The following MAPK10 variants were observed in gnomAD, a reference collection of about 807,000 sequenced individuals.
MAPK10 encodes the protein mitogen-activated protein kinase 10.
A neutral mutation model predicts 59.3 loss-of-function variants in MAPK10; 25 were observed. The observed-to-expected ratio is 0.42, with a 90% CI of 0.31 to 0.59. MAPK10 has a LOEUF of 0.59. Among genes scored for constraint, MAPK10 ranks in the 20% least tolerant of loss-of-function variants. The probability of loss-of-function intolerance (pLI) is 0.15; values close to 1 mark genes in which losing one functional copy is unlikely to be tolerated. For synonymous variants in MAPK10, 190 were observed against 200.5 expected, an observed-to-expected ratio of 0.95 and a Z score of 0.44; for missense variants, 351 against 568.9, an observed-to-expected ratio of 0.62 and a Z score of 3.90.
chr4:86,120,874 G>A (rs527856936), intron 4 of MAPK10, among the ~76,000 whole-genome samples: 2 of 152,240 alleles, frequency 1.3e-5, no homozygotes, highest in South Asian at 4.2e-4. Flanking sequence ...GCCATTTACT[G>A]TGTGGTATAA....
At chr4:86,094,155 T>C (rs985893309) in intron 9 of MAPK10, among the ~76,000 whole-genome samples, 1 of 152,016 alleles carries the variant, frequency 6.6e-6, no homozygotes, top group Admixed American at 6.6e-5. Flanking sequence ...TAACCACAAA[T>C]TTTTGTTCAT....
intron 3 of MAPK10, chr4:86,164,574 A>G (rs977579081): frequency 1.3e-5 from 2 of 152,034 alleles, no homozygotes; most frequent in African/African-American, 4.8e-5. Flanking sequence ...ACCTGAAATC[A>G]AAAAACAGGC....
intron 2 of MAPK10, among the ~76,000 whole-genome samples, chr4:86,325,637 C>T (rs1276277467): frequency 6.6e-6 from 1 of 152,090 alleles, no homozygotes; most frequent in Non-Finnish European, 1.5e-5. Context: ...ATAAAAATGA[C>T]ATTAGAACAT....
intron 1 of MAPK10, among the ~76,000 whole-genome samples, chr4:86,383,563 C>T (rs1237319292): frequency 1.3e-5 from 2 of 151,976 alleles, no homozygotes. Context: ...TAGAATATGA[C>T]CTAAGTATGA....
chr4:86,466,298 A>T (rs971051567), intron 1 of MAPK10, among the ~76,000 whole-genome samples: 16 of 152,222 alleles, frequency 1.1e-4, no homozygotes, highest in African/African-American at 3.6e-4. Flanking sequence ...CTAAGGGGAC[A>T]TTTAGCTTAA....
intron 1 of MAPK10, among the ~76,000 whole-genome samples, chr4:86,499,815 T>G (rs1043558803): frequency 2.0e-5 from 3 of 152,206 alleles, no homozygotes; most frequent in Admixed American, 1.3e-4. Context: ...GAAAGCTCCT[T>G]AAGACAAACA....
At chr4:86,188,913 T>G (rs2078970073) in intron 3 of MAPK10, among the ~76,000 whole-genome samples, 1 of 152,232 alleles carries the variant, frequency 6.6e-6, no homozygotes, top group South Asian at 2.1e-4. Flanking sequence ...TTAATCCATC[T>G]TGAGTTAATC....
chr4:86,586,208 A>C (rs1762641034), intron 1 of MAPK10, among the ~76,000 whole-genome samples: 1 of 152,262 alleles, frequency 6.6e-6, no homozygotes, highest in Admixed American at 6.5e-5. Flanking sequence ...ATAGGCAGTT[A>C]CATAACTTGC....
intron 2 of MAPK10, among the ~76,000 whole-genome samples, chr4:86,262,305 C>A (rs1212005780): frequency 6.6e-6 from 1 of 152,126 alleles, no homozygotes; most frequent in Non-Finnish European, 1.5e-5. Flanking sequence ...TAAGCTCTCA[C>A]CAGATATGGG....
intron 1 of MAPK10, among the ~76,000 whole-genome samples, chr4:86,517,585 T>C (rs1010017560): frequency 2.0e-5 from 3 of 152,188 alleles, no homozygotes; most frequent in Non-Finnish European, 4.4e-5. Context: ...TATTATCTTT[T>C]TGATATGCTG....
At chr4:86,133,085 G>A (rs2061304233) in intron 4 of MAPK10, among the ~76,000 whole-genome samples, 1 of 152,004 alleles carries the variant, frequency 6.6e-6, no homozygotes, top group Admixed American at 6.6e-5. Context: ...ACATGTATAT[G>A]ACATTATCAG....
At chr4:86,592,045 CATA>C (rs1160889598) in intron 1 of MAPK10, among the ~76,000 whole-genome samples, 1 of 152,004 alleles carries the variant, frequency 6.6e-6, no homozygotes, top group Non-Finnish European at 1.5e-5. Context: ...CTGAGATCCT[CATA>C]ATGTTTTCCT....
chr4:86,380,859 T>TAAAAAAAAA (rs35581530), intron 1 of MAPK10, among the ~76,000 whole-genome samples: 1 of 137,110 alleles, frequency 7.3e-6, no homozygotes. Flanking sequence ...TGGAAAGCAT[T>TAAAAAAAAA]AAAAAAAAAA....
At chr4:86,493,656 C>A (rs187787557) in intron 1 of MAPK10, among the ~76,000 whole-genome samples, 20 of 152,260 alleles carry the variant, frequency 1.3e-4, no homozygotes, top group Admixed American at 2.0e-4. Flanking sequence ...GAAGGAAGCC[C>A]TATGGTTAGG....
At chr4:86,550,429 T>C (rs1759689023) in intron 1 of MAPK10, among the ~76,000 whole-genome samples, 2 of 130,264 alleles carry the variant, frequency 1.5e-5, no homozygotes, top group South Asian at 2.6e-4. Context: ...CCAGGCACAG[T>C]GGCTTACGCC....
intron 2 of MAPK10, among the ~76,000 whole-genome samples, chr4:86,270,855 T>C (rs2094412295): frequency 1.3e-5 from 2 of 152,144 alleles, no homozygotes; most frequent in Admixed American, 6.6e-5. Flanking sequence ...GCATTAATAG[T>C]TGATGAAATA....
At chr4:86,479,838 G>T (rs1345645146) in intron 1 of MAPK10, among the ~76,000 whole-genome samples, 1 of 151,788 alleles carries the variant, frequency 6.6e-6, no homozygotes, top group East Asian at 1.9e-4. Flanking sequence ...AATTCTATAA[G>T]ACAAATGTTT....
At chr4:86,142,640 G>C (rs892265851) in intron 4 of MAPK10, among the ~76,000 whole-genome samples, 2 of 152,112 alleles carry the variant, frequency 1.3e-5, no homozygotes, top group African/African-American at 4.8e-5. Flanking sequence ...AATGCAGCTG[G>C]CTGGGACACA....
chr4:86,520,689 C>T (rs1273149963), intron 1 of MAPK10, among the ~76,000 whole-genome samples: 6 of 152,054 alleles, frequency 3.9e-5, no homozygotes, highest in Non-Finnish European at 8.8e-5. Flanking sequence ...GATAGAATCT[C>T]GTTTTGTCAT....
Sources: allele counts gnomAD v4.1 joint callset (sites outside exome capture counted in the v4.1 genomes callset), GRCh38; gene constraint gnomAD v4.1.1; transcripts MANE v1.5; gene names NCBI Gene and HGNC (gene_info 2026-07-23, HGNC 2026-07-21).